Variants in TMTC2 observed in about 807,000 individuals in gnomAD.
TMTC2 encodes the protein protein O-mannosyl-transferase TMTC2.
Under a neutral mutation model 82.4 loss-of-function variants are expected in TMTC2, and 43 were observed. The observed-to-expected ratio is 0.52, with a 90% confidence interval of 0.41 to 0.67. The LOEUF is 0.67. Among genes scored for constraint, TMTC2 ranks in the 30% least tolerant of loss-of-function variants. The pLI is 0.00. For synonymous variants in TMTC2, 408 were observed against 381.9 expected, an observed-to-expected ratio of 1.07 and a Z score of -0.80; for missense variants, 919 against 1,012.4, an observed-to-expected ratio of 0.91 and a Z score of 1.25.
At position 83,057,851 on chromosome 12, in the gene TMTC2, GTAGT is replaced by G. The variant is rs370802717; in HGVS notation, c.2268-3913_2268-3910del. On this transcript the variant is annotated intron_variant, in intron 10 of 11. Transcript: ENST00000321196. ...TGACAATTCACAACTATCAATAATT[GTAGT>G]TAGAGAGTTTTACTTCTAAATGCCA... is the stretch of plus-strand genomic sequence containing the variant. Among the ~76,000 whole-genome samples, 381 of 151,824 alleles carry G rather than the reference GTAGT, an allele frequency of 2.5e-3. 2 individuals carry two copies. Among genetic ancestry groups the G allele is most frequent in the African/African-American group, 8.9e-3 (369 of 41,462 alleles).
At chr12:83,094,679 A>G (rs1883963597) in intron 11 of TMTC2, among the ~76,000 whole-genome samples, 1 of 152,186 alleles carries the variant, frequency 6.6e-6, no homozygotes, top group Non-Finnish European at 1.5e-5. Flanking sequence ...GTATATTTGA[A>G]AAGTATTTAG....
chr12:82,711,637 G>T (rs570311619), intron 1 of TMTC2, among the ~76,000 whole-genome samples: 220 of 152,132 alleles, frequency 1.4e-3, no homozygotes, highest in Non-Finnish European at 2.4e-3. Flanking sequence ...GGTTTTCCAA[G>T]GATTCTGATG....
intron 1 of TMTC2, among the ~76,000 whole-genome samples, chr12:82,815,882 T>A (rs907225139): frequency 6.6e-6 from 1 of 152,100 alleles, no homozygotes; most frequent in Non-Finnish European, 1.5e-5. Context: ...CACAGGTACA[T>A]GGACTGAGGA....
At chr12:82,987,842 T>C (rs1879225906) in intron 8 of TMTC2, among the ~76,000 whole-genome samples, 1 of 152,108 alleles carries the variant, frequency 6.6e-6, no homozygotes, top group African/African-American at 2.4e-5. Flanking sequence ...GCGTGAATAT[T>C]TGCCTATCTC....
chr12:82,756,127 A>G (rs963023844), intron 1 of TMTC2, among the ~76,000 whole-genome samples: 2 of 152,172 alleles, frequency 1.3e-5, no homozygotes, highest in African/African-American at 4.8e-5. Context: ...TAGGTTGATT[A>G]TCTCCTTAGT....
At chr12:82,873,472 T>A (rs2137140876) in intron 2 of TMTC2, among the ~76,000 whole-genome samples, 1 of 152,264 alleles carries the variant, frequency 6.6e-6, no homozygotes, top group Admixed American at 6.5e-5. Flanking sequence ...ATTCTTAATT[T>A]GTTTTTTCAA....
At chr12:82,744,009 C>T (rs931165753) in intron 1 of TMTC2, among the ~76,000 whole-genome samples, 1 of 152,094 alleles carries the variant, frequency 6.6e-6, no homozygotes, top group Non-Finnish European at 1.5e-5. Flanking sequence ...CATGGTTGCT[C>T]GCACCTTTAA....
intron 4 of TMTC2, among the ~76,000 whole-genome samples, chr12:82,939,443 A>G (rs1876584146): frequency 1.3e-5 from 2 of 152,082 alleles, no homozygotes; most frequent in South Asian, 4.1e-4. Context: ...GCAGCCTAAT[A>G]TGCTTTTAAA....
chr12:83,063,491 A>G (rs181630124), intron 11 of TMTC2, among the ~76,000 whole-genome samples: 106 of 152,022 alleles, frequency 7.0e-4, no homozygotes, highest in African/African-American at 2.5e-3. Flanking sequence ...TTATGTGCTA[A>G]GCACTGTGCT....
chr12:82,886,014 G>T (rs75299566), intron 2 of TMTC2, among the ~76,000 whole-genome samples: 3 of 152,046 alleles, frequency 2.0e-5, no homozygotes, highest in Non-Finnish European at 4.4e-5. Context: ...TTTATTTTTT[G>T]TATCACTTAT....
chr12:82,962,653 A>G (rs979496693), intron 4 of TMTC2, among the ~76,000 whole-genome samples: 2 of 151,942 alleles, frequency 1.3e-5, no homozygotes, highest in African/African-American at 4.8e-5. Flanking sequence ...TGATTTTGAA[A>G]TTTCAGTGAG....
chr12:82,743,607 C>A (rs1244352524), intron 1 of TMTC2, among the ~76,000 whole-genome samples: 1 of 152,140 alleles, frequency 6.6e-6, no homozygotes, highest in African/African-American at 2.4e-5. Flanking sequence ...GTGTTACTTT[C>A]CTAAACATTC....
chr12:82,850,584 A>T (rs1565777777), intron 1 of TMTC2, among the ~76,000 whole-genome samples: 1 of 152,162 alleles, frequency 6.6e-6, no homozygotes, highest in Non-Finnish European at 1.5e-5. Context: ...GAGGGTTAGA[A>T]CAAGGTCCTC....
intron 3 of TMTC2, among the ~76,000 whole-genome samples, chr12:82,910,888 T>C (rs1021087012): frequency 1.8e-4 from 27 of 151,828 alleles, no homozygotes; most frequent in Non-Finnish European, 3.8e-4. Flanking sequence ...TTTTTTTTTT[T>C]TTTAGAGACA....
At chr12:82,886,381 A>G (rs1312303999) in intron 2 of TMTC2, among the ~76,000 whole-genome samples, 1 of 152,226 alleles carries the variant, frequency 6.6e-6, no homozygotes, top group African/African-American at 2.4e-5. Flanking sequence ...ATATCTTTCA[A>G]GTATGATTAA....
At chr12:82,992,941 A>C (rs1879459072) in intron 8 of TMTC2, among the ~76,000 whole-genome samples, 1 of 152,162 alleles carries the variant, frequency 6.6e-6, no homozygotes, top group African/African-American at 2.4e-5. Flanking sequence ...CACATGAGAT[A>C]ATTTCAGCTA....
intron 3 of TMTC2, among the ~76,000 whole-genome samples, chr12:82,901,610 C>T (rs190856253): frequency 6.6e-6 from 1 of 152,166 alleles, no homozygotes; most frequent in Admixed American, 6.5e-5. Context: ...AAAAGACTCT[C>T]ACCTCACCTC....
Position 82,895,885 on chromosome 12 carries a change from C to T in TMTC2, c.722C>T (p.Ala241Val). The T allele has an allele frequency of 6.2e-7, 1 of 1,613,844 alleles. No individual in the cohort carries two copies. Among genetic ancestry groups the T allele is most frequent in the Non-Finnish European group, 8.5e-7 (1 of 1,179,922 alleles). ...LIFWGSSLLG[A>V]RLYWMGNKPP... ...TTCTGGGGTTCCTCCCTTTTGGGTG[C>T]CCGGTTATACTGGATGGGAAACAAA... Residue 241 changes from alanine to valine, a missense_variant, in exon 3 of 12, where the codon GCC becomes GTC. Ala to Val is a moderately conservative substitution (Grantham distance 64). Coordinates refer to ENST00000321196, the MANE Select transcript of TMTC2 (RefSeq NM_152588.3).
At chr12:82,821,835 G>A (rs1276364844) in intron 1 of TMTC2, among the ~76,000 whole-genome samples, 3 of 148,610 alleles carry the variant, frequency 2.0e-5, no homozygotes, top group African/African-American at 7.5e-5. Context: ...GCAGTGAGCC[G>A]AGATCGCGCC....
Sources: allele counts gnomAD v4.1 joint callset (sites outside exome capture counted in the v4.1 genomes callset), GRCh38; gene constraint gnomAD v4.1.1; transcripts MANE v1.5; gene names NCBI Gene and HGNC (gene_info 2026-07-23, HGNC 2026-07-21).